ASPH: variants seen among roughly 807,000 people sequenced by gnomAD.
ASPH encodes the protein aspartyl/asparaginyl beta-hydroxylase.
A neutral mutation model predicts 118.4 loss-of-function variants in ASPH; 100 were observed. The ratio of observed to expected loss-of-function variants is 0.84; its 90% confidence interval spans 0.72 to 1.00. The LOEUF (loss-of-function observed/expected upper bound fraction) is 1.00, where lower values mean the gene tolerates loss of function less well. Among genes scored for constraint, ASPH ranks in the 50% least tolerant of loss-of-function variants. ASPH has a pLI of 0.00. For missense variants in ASPH, 920 were observed against 919.5 expected (o/e 1.00, Z -0.01); for synonymous variants, 315 against 325.6 (o/e 0.97, Z 0.35).
chr8:61,532,742 T>G (rs1818053346), intron 21 of ASPH, among the ~76,000 whole-genome samples: 1 of 152,202 alleles, frequency 6.6e-6, no homozygotes, highest in South Asian at 2.1e-4. Flanking sequence ...GGAGTCAGGA[T>G]AGTATAGTGT....
At chr8:61,690,621 T>C (rs973642290) in intron 1 of ASPH, among the ~76,000 whole-genome samples, 4 of 152,218 alleles carry the variant, frequency 2.6e-5, no homozygotes, top group South Asian at 2.1e-4. Context: ...GAGTTCTGAT[T>C]AGTATACTAA....
chr8:61,580,888 A>G (rs1243020528), intron 15 of ASPH, among the ~76,000 whole-genome samples: 1 of 152,330 alleles, frequency 6.6e-6, no homozygotes, highest in South Asian at 2.1e-4. Context: ...CCCAAATAAC[A>G]TAACATTTAC....
At chr8:61,613,077 G>C (rs1847963692) in intron 14 of ASPH, among the ~76,000 whole-genome samples, 1 of 152,192 alleles carries the variant, frequency 6.6e-6, no homozygotes, top group African/African-American at 2.4e-5. Flanking sequence ...CACTAGAATA[G>C]TGTGATGGTT....
At chr8:61,660,644 CT>C (rs1379843655) in intron 3 of ASPH, 1 of 152,178 alleles carries the variant, frequency 6.6e-6, no homozygotes, top group Non-Finnish European at 1.5e-5. Context: ...TACTCCTGGG[CT>C]TTACAATTAT....
In ASPH at chr8:61,567,181, C is replaced by T. The variant is rs762291251; in HGVS notation, c.1287G>A (p.Arg429=). The part of the protein sequence containing the change: ...LKLSLKRRSD[R]QQFLGHMRGS... Reference sequence around the variant, plus strand: ...ATTGCATCTTACCTAGAAATTGTTGCCTGTCTGAGCGACGCTTCAAACTCA... The same window carrying T: ...ATTGCATCTTACCTAGAAATTGTTGTCTGTCTGAGCGACGCTTCAAACTCA... The change falls in exon 17 of 25, where the codon AGG becomes AGA. Residue 429 remains arginine, a synonymous_variant. Coordinates refer to ENST00000379454, the MANE Select transcript of ASPH (RefSeq NM_004318.4). 3 of 1,613,294 alleles carry T rather than the reference C, an allele frequency of 1.9e-6. No individual in the cohort carries two copies. The highest frequency in any genetic ancestry group is 2.5e-6 in the Non-Finnish European group (3 of 1,179,670).
intron 21 of ASPH, among the ~76,000 whole-genome samples, chr8:61,535,131 A>T (rs1819018310): frequency 6.6e-6 from 1 of 152,196 alleles, no homozygotes; most frequent in Non-Finnish European, 1.5e-5. Flanking sequence ...TAAAGACCCA[A>T]ACACAGTCTC....
chr8:61,520,989 C>CT, intron 22 of ASPH, among the ~76,000 whole-genome samples: 1 of 152,328 alleles, frequency 6.6e-6, no homozygotes, highest in South Asian at 2.1e-4. Context: ...GTGCAGTAGA[C>CT]TCTGGGCATT....
chr8:61,679,447 A>G (rs535725359), intron 3 of ASPH, among the ~76,000 whole-genome samples: 136 of 152,222 alleles, frequency 8.9e-4, no homozygotes, highest in African/African-American at 3.2e-3. Flanking sequence ...TACACTAAAA[A>G]TCAAGTTAAG....
rs189560472 is a variant in ASPH, at chr8:61,575,961, T to A, written c.1149+811A>T. Among the ~76,000 whole-genome samples, 283 of 152,322 alleles carry A rather than the reference T, an allele frequency of 1.9e-3. 3 individuals are homozygous for A. Among genetic ancestry groups the A allele is most frequent in the Admixed American group, 0.017 (267 of 15,308 alleles). On this transcript the variant is annotated intron_variant, in intron 16 of 24. Coordinates refer to ENST00000379454, the MANE Select transcript of ASPH (RefSeq NM_004318.4). Reference sequence around the variant, plus strand: ...CAGTCCTAAACTGTTCACCCTGCCCTACTTTGCCTCTTCCATGGAAACCTC... The same window carrying A: ...CAGTCCTAAACTGTTCACCCTGCCCAACTTTGCCTCTTCCATGGAAACCTC...
intron 1 of ASPH, among the ~76,000 whole-genome samples, chr8:61,696,178 C>A (rs1833883413): frequency 6.6e-6 from 1 of 152,118 alleles, no homozygotes; most frequent in African/African-American, 2.4e-5. Flanking sequence ...CCTGTCCTGG[C>A]AAACACCAGA....
chr8:61,555,787 C>T (rs1827658096), intron 19 of ASPH, 137 bp downstream of exon 19: 2 of 704,342 alleles, frequency 2.8e-6, no homozygotes, highest in Non-Finnish European at 4.6e-6. Context: ...TTATGAATGT[C>T]ATGGTCTGAG....
rs564872818 is a variant in ASPH, at chr8:61,683,979, A to G, written c.253+60T>C. 5.8e-6 allele frequency: 9 copies of G among 1,554,958 alleles called. No individual in the cohort carries two copies. In the African/African-American group the frequency reaches 1.1e-4, roughly 19 times the overall value. ...AGAAAGATGATAACAAATATTCAAG[A>G]CTCCTAAGAGATGTCACTTACTCTC... On this transcript the variant is annotated intron_variant, in intron 2 of 24. Transcript: ENST00000379454.
intron 6 of ASPH, among the ~76,000 whole-genome samples, chr8:61,645,975 A>G (rs1202749171): frequency 2.0e-5 from 3 of 152,210 alleles, no homozygotes; most frequent in East Asian, 3.8e-4. Flanking sequence ...GCTTGAGGCC[A>G]GGAGTTTGAG....
intron 21 of ASPH, 60 bp from the exon 22 acceptor site, chr8:61,526,172 T>TA: frequency 6.3e-7 from 1 of 1,593,328 alleles, no homozygotes; most frequent in Non-Finnish European, 8.5e-7. Context: ...CACCTCATAA[T>TA]GACTCTTGTT....
At chr8:61,676,829 A>C (rs1205098308) in intron 3 of ASPH, among the ~76,000 whole-genome samples, 2 of 150,448 alleles carry the variant, frequency 1.3e-5, no homozygotes, top group Non-Finnish European at 3.0e-5. Flanking sequence ...CCCCACCACC[A>C]CCCCACTTAA....
chr8:61,517,342 C>T, intron 24 of ASPH, 186 bp downstream of exon 24: 1 of 778,300 alleles, frequency 1.3e-6, no homozygotes, highest in African/African-American at 1.7e-5. Flanking sequence ...TAGAGCTGGG[C>T]AATGTCTCCA....
At chr8:61,587,108 T>C (rs1839705367) in intron 14 of ASPH, among the ~76,000 whole-genome samples, 1 of 152,216 alleles carries the variant, frequency 6.6e-6, no homozygotes. Flanking sequence ...CATCTTTTAA[T>C]TACTTACACA....
intron 3 of ASPH, among the ~76,000 whole-genome samples, chr8:61,669,246 T>C (rs541034414): frequency 6.6e-6 from 1 of 152,244 alleles, no homozygotes; most frequent in Non-Finnish European, 1.5e-5. Context: ...TAGATGTCTG[T>C]TCTATTATAT....
chr8:61,617,527 G>A (rs186535797), intron 14 of ASPH, among the ~76,000 whole-genome samples: 5 of 152,250 alleles, frequency 3.3e-5, no homozygotes, highest in Admixed American at 2.0e-4. Flanking sequence ...TATGATGATC[G>A]AGCTAATCTC....
Sources: allele counts gnomAD v4.1 joint callset (sites outside exome capture counted in the v4.1 genomes callset), GRCh38; gene constraint gnomAD v4.1.1; transcripts MANE v1.5; gene names NCBI Gene and HGNC (gene_info 2026-07-23, HGNC 2026-07-21).